The following ZSCAN26 variants were observed in gnomAD, a reference collection of about 807,000 sequenced individuals.
ZSCAN26 encodes the protein zinc finger and SCAN domain-containing protein 26.
ZSCAN26 carries 26 observed loss-of-function variants against 23.0 expected under a neutral mutation model. The ratio of observed to expected loss-of-function variants is 1.13; its 90% CI spans 0.83 to 1.57. ZSCAN26 has a LOEUF of 1.57. Among genes scored for constraint, ZSCAN26 ranks in the 40% most tolerant of loss-of-function variants. ZSCAN26 has a pLI of 0.00. For missense variants in ZSCAN26, 528 were observed against 568.5 expected (o/e 0.93, Z 0.72); for synonymous variants, 180 against 202.5 (o/e 0.89, Z 0.94).
Position 28,276,601 on chromosome 6 carries a change from G to A in ZSCAN26, c.945G>A (p.Glu315=), listed in dbSNP as rs1761949585. 3 of 1,612,582 alleles carry A rather than the reference G, an allele frequency of 1.9e-6. No homozygotes were observed. The highest frequency in any genetic ancestry group is 2.5e-6 in the Non-Finnish European group (3 of 1,179,326). Residue 315 remains glutamate, a synonymous_variant, in exon 4 of 4, where the codon GAG becomes GAA. Coordinates refer to ENST00000421553, the MANE Select transcript of ZSCAN26 (RefSeq NM_001023560.4). ...GTGAGAAGCCTTATCAGTGCAATGA[G>A]TGTGGCAAAGTCTTTAGCCAGAATG... ...HLGEKPYQCN[E]CGKVFSQNAG... is the part of the protein sequence containing the mutation.
At position 28,276,218 on chromosome 6, in the gene ZSCAN26, G is replaced by A. The variant is rs774216204; in HGVS notation, c.562G>A (p.Gly188Arg). ...EKGEETRIEN[G>R]KLIVVTDSCG... is the part of the protein sequence containing the mutation. ...AGGTGAGGAGACAAGGATTGAGAAT[G>A]GGAAGCTTATTGTAGTAACAGACTC... Residue 188 changes from glycine (G) to arginine (R), a missense_variant, in exon 4 of 4, where the codon GGG (glycine) becomes AGG (arginine). Physicochemically the swap from Gly to Arg is moderately radical, Grantham distance 125 (BLOSUM62 -2). Transcript: ENST00000421553. 1.9e-6 allele frequency: 3 copies of A among 1,611,664 alleles called. No individual in the cohort carries two copies. In the South Asian group the frequency reaches 3.3e-5, roughly 18 times the overall value.
chr6:28,269,926 T>G (rs924649307), intron 1 of ZSCAN26, among the ~76,000 whole-genome samples: 3 of 152,092 alleles, frequency 2.0e-5, no homozygotes, highest in Non-Finnish European at 2.9e-5. Flanking sequence ...ACAATACCAA[T>G]CTTTTATTTT....
chr6:28,276,452 CAG>C lies in ZSCAN26; in HGVS notation c.799_800del (p.Ser267PhefsTer7). The part of the protein sequence containing the change: ...GKKLCESDVC[Q>X]SSSLTGHKKV... ...GAAACTCTGCGAGTCTGATGTGTGT[CAG>C]AGTTCCAGTCTTACAGGACATAAGA... On this transcript the variant is annotated frameshift_variant, in exon 4 of 4. Coordinates refer to ENST00000421553, the MANE Select transcript of ZSCAN26 (RefSeq NM_001023560.4). LOFTEE classifies it low-confidence loss of function (END_TRUNC). 2 of 1,613,904 alleles carry C rather than the reference CAG, an allele frequency of 1.2e-6. No homozygotes were observed. Among genetic ancestry groups the C allele is most frequent in the Non-Finnish European group, 1.7e-6 (2 of 1,179,864 alleles).
chr6:28,273,466 A>G (rs1223326184), intron 3 of ZSCAN26, among the ~76,000 whole-genome samples: 1 of 152,044 alleles, frequency 6.6e-6, no homozygotes, highest in Non-Finnish European at 1.5e-5. Flanking sequence ...GCTTGAATCC[A>G]GGAGGCTGAG....
intron 3 of ZSCAN26, among the ~76,000 whole-genome samples, chr6:28,275,113 T>C (rs1455017976): frequency 6.6e-6 from 1 of 152,212 alleles, no homozygotes; most frequent in East Asian, 1.9e-4. Flanking sequence ...TCTTTCCTTT[T>C]TACTTATCTG....
intron 3 of ZSCAN26, 73 bp from the exon 4 acceptor site, chr6:28,276,122 T>C (rs1265397799): frequency 1.5e-6 from 2 of 1,369,348 alleles, no homozygotes; most frequent in Non-Finnish European, 2.0e-6. Flanking sequence ...TATTTTTTTT[T>C]CCTTTTAGTT....
In ZSCAN26 at chr6:28,276,732, G is replaced by A. The variant is rs186064877; in HGVS notation, c.1076G>A (p.Arg359Lys). ...AGCTCTCACCTTAATCGACATCAGAGAATTCACAGTCAGGAGGAGCCCTGT... is the reference window on the plus strand; with the variant it reads ...AGCTCTCACCTTAATCGACATCAGAAAATTCACAGTCAGGAGGAGCCCTGT... The part of the protein sequence containing the change: ...RRSSHLNRHQ[R>K]IHSQEEPCEC... The change falls in exon 4 of 4, where the codon AGA (arginine) becomes AAA (lysine). Residue 359 changes from arginine to lysine, a missense_variant. Arg to Lys is a conservative substitution (Grantham distance 26). Transcript: ENST00000421553. 1 of 1,613,744 alleles carries A rather than the reference G, an allele frequency of 6.2e-7. No homozygotes were observed. The highest frequency in any genetic ancestry group is 2.2e-5 in the East Asian group (1 of 44,870).
At chr6:28,272,482 C>T in intron 2 of ZSCAN26, 143 bp downstream of exon 2, 1 of 1,141,980 alleles carries the variant, frequency 8.8e-7, no homozygotes, top group Non-Finnish European at 1.2e-6. Flanking sequence ...TTCCTTAGGT[C>T]TTACCTCAAC....
intron 1 of ZSCAN26, among the ~76,000 whole-genome samples, chr6:28,268,884 C>T (rs938744138): frequency 2.0e-5 from 3 of 151,890 alleles, no homozygotes; most frequent in Non-Finnish European, 2.9e-5. Flanking sequence ...AGGCTGAGGA[C>T]GGTGGATCAC....
rs1204803186 is a variant in ZSCAN26 at position 28,276,673 on chromosome 6, T to C, written c.1017T>C (p.Tyr339=). The change falls in exon 4 of 4, where the codon TAT becomes TAC. Residue 339 remains tyrosine (Y), a synonymous_variant. Coordinates refer to ENST00000421553, the MANE Select transcript of ZSCAN26 (RefSeq NM_001023560.4). The part of the protein sequence containing the change: ...HLRIHTGEKP[Y]LCIHCGKNFR... ...GAATTCATACTGGAGAGAAACCTTA[T>C]CTATGTATCCATTGTGGAAAAAATT... 1 of 1,611,580 alleles carries C rather than the reference T, an allele frequency of 6.2e-7. No individual in the cohort carries two copies. Among genetic ancestry groups the C allele is most frequent in the Admixed American group, 1.7e-5 (1 of 59,558 alleles).
Position 28,271,874 on chromosome 6 carries a change from T to G in ZSCAN26, c.-46T>G, listed in dbSNP as rs1391244814. On this transcript the variant is annotated 5_prime_UTR_variant, in exon 2 of 4. Coordinates refer to ENST00000421553, the MANE Select transcript of ZSCAN26 (RefSeq NM_001023560.4). ...TTTAGGAGTGTCTCTGAAGATACAGTCCAAAGAAAGTTCTCCAAAACAAGG... is the reference window on the plus strand; with the variant it reads ...TTTAGGAGTGTCTCTGAAGATACAGGCCAAAGAAAGTTCTCCAAAACAAGG... 8 of 1,494,326 alleles carry G rather than the reference T, an allele frequency of 5.4e-6. No individual in the cohort carries two copies. In the African/African-American group the frequency reaches 1.1e-4, roughly 21 times the overall value. 92.6% of individuals were successfully genotyped at this position (1,494,326 alleles called of 1,614,324 possible).
At position 28,272,786 on chromosome 6, in the gene ZSCAN26, G is replaced by T. The variant is rs752598872; in HGVS notation, c.537G>T (p.Lys179Asn). ...AAGTTACAAAGCCTGAGAAAGAGAA[G>T]GGTAAGAATTGGATTGCATCTTCTG... is the stretch of plus-strand genomic sequence containing the variant. ...ECEVTKPEKE[K>N]GEETRIENGK... The change falls in exon 3 of 4, where the codon AAG (lysine) becomes AAT (asparagine). Residue 179 changes from lysine (K) to asparagine (N), a missense_variant and splice_region_variant. Physicochemically the swap from Lys to Asn is moderately conservative, Grantham distance 94. Transcript: ENST00000421553. 2 of 1,611,660 alleles carry T rather than the reference G, an allele frequency of 1.2e-6. No individual in the cohort carries two copies. Among genetic ancestry groups the T allele is most frequent in the Admixed American group, 3.3e-5 (2 of 59,876 alleles).
rs907404144 is a variant in ZSCAN26 at position 28,276,509 on chromosome 6, T to C, written c.853T>C (p.Cys285Arg). ...CCTCTCTAGAGAGAAAGGTCATCAG[T>C]GTCATGAGTGTGGGAAAGCCTTTCA... ...KVLSREKGHQ[C>R]HECGKAFQRS... Residue 285 changes from cysteine (C) to arginine (R), a missense_variant, in exon 4 of 4, where the codon TGT becomes CGT. Transcript: ENST00000421553. The C allele has an allele frequency of 6.2e-7, 1 of 1,613,820 alleles. No homozygotes were observed. Among genetic ancestry groups the C allele is most frequent in the Non-Finnish European group, 8.5e-7 (1 of 1,179,870 alleles).
At position 28,277,229 on chromosome 6, in the gene ZSCAN26, TTC is replaced by T; in HGVS notation, c.*140_*141del. ...CTGAGTTGGAGGCTCCCTGCCTCTA[TTC>T]TCTCTCCTTTGCTTTCCTTGAAGTC... On this transcript the variant is annotated 3_prime_UTR_variant, in exon 4 of 4. Transcript: ENST00000421553. 1.2e-6 allele frequency: 1 copy of T among 826,910 alleles called. No individual in the cohort carries two copies. The highest frequency in any genetic ancestry group is 2.5e-5 in the East Asian group (1 of 40,152). The allele number at this position is 826,910 out of a possible 1,614,324, so 51.2% of individuals were successfully genotyped here.
chr6:28,271,753 G>GA (rs1221005258), intron 1 of ZSCAN26, 101 bp from the exon 2 acceptor site: 22 of 642,408 alleles, frequency 3.4e-5, no homozygotes, highest in Middle Eastern at 8.5e-4. Context: ...GTTTTAGAGA[G>GA]AAAAAATGGA....
At position 28,277,109 on chromosome 6, in the gene ZSCAN26, T is replaced by C. The variant is rs374650003; in HGVS notation, c.*13T>C. 6.9e-6 allele frequency: 11 copies of C among 1,602,842 alleles called. No individual in the cohort carries two copies. The African/African-American group carries it at 1.3e-4, about 20-fold the overall frequency. On this transcript the variant is annotated 3_prime_UTR_variant, in exon 4 of 4. Coordinates refer to ENST00000421553, the MANE Select transcript of ZSCAN26 (RefSeq NM_001023560.4). ...CAAACTGGCTTGATGAGGTGTTCTC[T>C]CCTTGTAGAACATCAGAGAAGGCAC... is the stretch of plus-strand genomic sequence containing the variant.
Position 28,277,153 on chromosome 6 carries a change from C to T in ZSCAN26, c.*57C>T. The T allele has an allele frequency of 6.5e-7, 1 of 1,538,964 alleles. No homozygotes were observed. The highest frequency in any genetic ancestry group is 1.2e-5 in the South Asian group (1 of 80,032). Reference sequence around the variant, plus strand: ...AAGGCACATTGACTAGCAAACAGCACTTTAGGAAAAGTCACCGTAGCCCAC... The same window carrying T: ...AAGGCACATTGACTAGCAAACAGCATTTTAGGAAAAGTCACCGTAGCCCAC... On this transcript the variant is annotated 3_prime_UTR_variant, in exon 4 of 4. Transcript: ENST00000421553.
In ZSCAN26 at chr6:28,277,397, G is replaced by GT. The variant is rs764371941; in HGVS notation, c.*302dup. The GT allele has an allele frequency of 3.3e-6, 1 of 298,800 alleles. No individual in the cohort carries two copies. The allele number at this position is 298,800 out of a possible 1,614,324, so 18.5% of individuals were successfully genotyped here. ...AAGCAATAGAGAGCTTCATGACTGA[G>GT]TAAGAGTTTTGAAGTCAGCAGTGAA... On this transcript the variant is annotated 3_prime_UTR_variant, in exon 4 of 4. Transcript: ENST00000421553.
rs757299852 is a variant in ZSCAN26, at chr6:28,276,535, G to C, written c.879G>C (p.Gln293His). 1 of 1,613,724 alleles carries C rather than the reference G, an allele frequency of 6.2e-7. No individual in the cohort carries two copies. Among genetic ancestry groups the C allele is most frequent in the South Asian group, 1.1e-5 (1 of 91,006 alleles). Residue 293 changes from glutamine to histidine, a missense_variant, in exon 4 of 4, where the codon CAG (glutamine) becomes CAC (histidine). Transcript: ENST00000421553. ...GTCATGAGTGTGGGAAAGCCTTTCA[G>C]AGGAGTTCACACCTCGTCAGACATC... is the stretch of plus-strand genomic sequence containing the variant. ...HQCHECGKAF[Q>H]RSSHLVRHQK...
Sources: gnomAD v4.1 joint callset for allele counts (sites outside exome capture counted in the v4.1 genomes callset) on GRCh38, gnomAD v4.1.1 for gene constraint, MANE v1.5 for transcripts, NCBI Gene and HGNC (gene_info 2026-07-23, HGNC 2026-07-21) for gene names.